Variants in FSTL5 observed in about 807,000 individuals in gnomAD.
FSTL5 encodes follistatin like 5.
In FSTL5, 62 loss-of-function variants were observed where a neutral mutation model predicts 89.1. That is an observed-to-expected ratio of 0.70 (90% CI 0.57 to 0.86). The LOEUF is 0.86. Among genes scored for constraint, FSTL5 ranks in the 40% least tolerant of loss-of-function variants. The pLI is 0.00. For synonymous variants in FSTL5, 383 were observed against 346.2 expected (o/e 1.11, Z -1.18); for missense variants, 1,057 against 1,001.6 (o/e 1.06, Z -0.75).
chr4:161,812,517 A>AACACACACAC (rs3077014), intron 4 of FSTL5, among the ~76,000 whole-genome samples: 11 of 151,220 alleles, frequency 7.3e-5, no homozygotes, highest in South Asian at 2.1e-4. Context: ...AGTTAAGAAA[A>AACACACACAC]ACACACACAC....
At chr4:161,577,103 T>C (rs1274676346) in intron 8 of FSTL5, among the ~76,000 whole-genome samples, 1 of 152,210 alleles carries the variant, frequency 6.6e-6, no homozygotes, top group African/African-American at 2.4e-5. Flanking sequence ...TTCTCCTTTC[T>C]TGTTCTAGTG....
chr4:162,024,825 TA>T (rs1737219994), intron 3 of FSTL5, among the ~76,000 whole-genome samples: 1 of 151,986 alleles, frequency 6.6e-6, no homozygotes, highest in South Asian at 2.1e-4. Context: ...AATTTTTTTT[TA>T]TTTTATTTTT....
At chr4:161,987,825 C>T (rs905102905) in intron 3 of FSTL5, among the ~76,000 whole-genome samples, 1 of 151,502 alleles carries the variant, frequency 6.6e-6, no homozygotes, top group African/African-American at 2.4e-5. Flanking sequence ...ACTAAAATGT[C>T]ACCTGAGTTA....
At chr4:162,013,474 A>G (rs550195248) in intron 3 of FSTL5, among the ~76,000 whole-genome samples, 4 of 152,322 alleles carry the variant, frequency 2.6e-5, no homozygotes, top group African/African-American at 9.6e-5. Context: ...ACACTAGAAT[A>G]GTTTATAGAT....
At chr4:161,569,980 C>A (rs1223244751) in intron 8 of FSTL5, among the ~76,000 whole-genome samples, 1 of 152,106 alleles carries the variant, frequency 6.6e-6, no homozygotes, top group East Asian at 1.9e-4. Context: ...CTTTCCAGAA[C>A]CAGGAGCTAA....
chr4:162,020,358 C>T (rs1160653134), intron 3 of FSTL5, among the ~76,000 whole-genome samples: 2 of 152,066 alleles, frequency 1.3e-5, no homozygotes, highest in East Asian at 1.9e-4. Context: ...TTTAATGCTA[C>T]AAATGATATC....
At chr4:161,707,161 A>G (rs1579037330) in intron 6 of FSTL5, among the ~76,000 whole-genome samples, 1 of 152,032 alleles carries the variant, frequency 6.6e-6, no homozygotes, top group East Asian at 1.9e-4. Context: ...CTAGAAATAC[A>G]AATTGTTTAT....
At chr4:161,506,328 C>T (rs1398339497) in intron 11 of FSTL5, among the ~76,000 whole-genome samples, 1 of 151,880 alleles carries the variant, frequency 6.6e-6, no homozygotes, top group African/African-American at 2.4e-5. Context: ...CCTCTTCGGC[C>T]CCCCAAATTG....
intron 13 of FSTL5, among the ~76,000 whole-genome samples, chr4:161,464,368 A>C (rs1733677074): frequency 6.6e-6 from 1 of 151,934 alleles, no homozygotes; most frequent in Non-Finnish European, 1.5e-5. Context: ...CTTCCTCAAC[A>C]TCTTTGCTCA....
chr4:161,642,095 G>A (rs770241265), intron 7 of FSTL5, among the ~76,000 whole-genome samples: 7 of 152,022 alleles, frequency 4.6e-5, no homozygotes, highest in Non-Finnish European at 1.0e-4. Flanking sequence ...TTGATGATTC[G>A]ATATATGTGT....
chr4:161,936,838 T>C (rs932099868), intron 3 of FSTL5, among the ~76,000 whole-genome samples: 1 of 152,138 alleles, frequency 6.6e-6, no homozygotes, highest in African/African-American at 2.4e-5. Context: ...GCAGGAATGT[T>C]GAAAGCCATA....
chr4:161,741,410 G>A (rs191262342), intron 6 of FSTL5, among the ~76,000 whole-genome samples: 2 of 152,182 alleles, frequency 1.3e-5, no homozygotes, highest in East Asian at 3.9e-4. Flanking sequence ...AAAGGTAGAG[G>A]GTTGAGCCAA....
intron 4 of FSTL5, among the ~76,000 whole-genome samples, chr4:161,781,403 G>A (rs1741661268): frequency 6.6e-6 from 1 of 151,620 alleles, no homozygotes; most frequent in Non-Finnish European, 1.5e-5. Context: ...CAATTGTATT[G>A]TGTTTTTTGA....
At position 161,926,140 on chromosome 4, in the gene FSTL5, A is replaced by G. The variant is rs531559986; in HGVS notation, c.161-5488T>C. 9.2e-5 allele frequency among the ~76,000 whole-genome samples: 14 copies of G among 152,032 alleles called. No individual in the cohort carries two copies. The South Asian group carries it at 2.3e-3, about 25-fold the overall frequency. ...AGTTCAAGTAAATACTGGAATGCCC[A>G]CAGAAGATTGAGCACAGTATAATCT... On this transcript the variant is annotated intron_variant, in intron 3 of 15. Coordinates refer to ENST00000306100, the MANE Select transcript of FSTL5 (RefSeq NM_020116.5).
chr4:161,700,103 C>A (rs948098619), intron 6 of FSTL5, among the ~76,000 whole-genome samples: 1 of 152,100 alleles, frequency 6.6e-6, no homozygotes, highest in African/African-American at 2.4e-5. Flanking sequence ...TGTAATAGCA[C>A]ATGAGTACAT....
Position 161,386,301 on chromosome 4 carries a change from C to G in FSTL5, c.1990G>C (p.Gly664Arg), listed in dbSNP as rs141874946. 33 of 1,613,834 alleles carry G rather than the reference C, an allele frequency of 2.0e-5. No individual in the cohort carries two copies. In the African/African-American group the frequency reaches 3.6e-4, roughly 18 times the overall value. The part of the protein sequence containing the change: ...YTHLGGYYFI[G>R]CKPDSTGAVS... ...GCTCCGGTGCTGTCAGGTTTGCAGC[C>G]AATGAAGTAGTAGCCTCCCAAGTGT... The change falls in exon 16 of 16, where the codon GGC (glycine) becomes CGC (arginine). Residue 664 changes from glycine (G) to arginine (R), a missense_variant. Transcript: ENST00000306100.
At chr4:161,413,572 A>G (rs1243692090) in intron 15 of FSTL5, among the ~76,000 whole-genome samples, 1 of 152,148 alleles carries the variant, frequency 6.6e-6, no homozygotes, top group Non-Finnish European at 1.5e-5. Context: ...CCCATTACTG[A>G]GCATATACTC....
intron 3 of FSTL5, among the ~76,000 whole-genome samples, chr4:162,020,129 G>C (rs1040695523): frequency 3.3e-5 from 5 of 151,646 alleles, no homozygotes; most frequent in Non-Finnish European, 7.4e-5. Flanking sequence ...AATTATAAAT[G>C]AGAAAGTTTA....
chr4:161,769,727 A>G (rs1311618679), intron 5 of FSTL5, among the ~76,000 whole-genome samples: 1 of 152,002 alleles, frequency 6.6e-6, no homozygotes, highest in Non-Finnish European at 1.5e-5. Flanking sequence ...GAAAAACTGA[A>G]AGCCTTTTCT....
Sources: allele counts gnomAD v4.1 joint callset (sites outside exome capture counted in the v4.1 genomes callset), GRCh38; gene constraint gnomAD v4.1.1; transcripts MANE v1.5; gene names NCBI Gene and HGNC (gene_info 2026-07-23, HGNC 2026-07-21).